TTC23L: variants seen among roughly 807,000 people sequenced by gnomAD.
TTC23L encodes the protein tetratricopeptide repeat protein 23-like.
A neutral mutation model predicts 48.1 loss-of-function variants in TTC23L; 42 were observed. The observed-to-expected ratio is 0.87, with a 90% CI of 0.68 to 1.13. The LOEUF (loss-of-function observed/expected upper bound fraction) is 1.13. Ranked by LOEUF, TTC23L falls within the 50% of genes most tolerant of loss-of-function variation. TTC23L has a pLI of 0.00. For synonymous variants in TTC23L, 159 were observed against 157.2 expected (o/e 1.01, Z -0.09); for missense variants, 391 against 421.0 (o/e 0.93, Z 0.62).
intron 8 of TTC23L, 167 bp downstream of exon 8, chr5:34,869,180 T>G: frequency 1.8e-6 from 1 of 560,124 alleles, no homozygotes; most frequent in South Asian, 2.0e-5. Context: ...AACCTGATAA[T>G]ATACCCCCAC....
intron 4 of TTC23L, among the ~76,000 whole-genome samples, chr5:34,862,509 G>A (rs147875153): frequency 3.2e-4 from 49 of 152,266 alleles, no homozygotes; most frequent in African/African-American, 1.1e-3. Flanking sequence ...AGCGTTGTGG[G>A]TTGAAAAGGT....
the TTC23L span, chr5:34,915,751 A>C: frequency 1.9e-6 from 3 of 1,603,608 alleles, no homozygotes; most frequent in South Asian, 2.2e-5. Context: ...GGCGGCAACC[A>C]AGAGGAAACG....
At chr5:34,883,634 A>G (rs1401070538) in intron 9 of TTC23L, 1 of 152,250 alleles carries the variant, frequency 6.6e-6, no homozygotes, top group Admixed American at 6.5e-5. Flanking sequence ...ATAAGAGACT[A>G]CTATGAATAA....
At chr5:34,915,230 A>T in the TTC23L span, 35 of 316,418 alleles carry the variant, frequency 1.1e-4, no homozygotes, top group Non-Finnish European at 1.9e-4. Flanking sequence ...GGAGCTACAA[A>T]TCCGCGGGGA....
the TTC23L span, among the ~76,000 whole-genome samples, chr5:34,924,411 TTAAA>T: frequency 6.6e-6 from 1 of 152,322 alleles, no homozygotes; most frequent in Admixed American, 6.5e-5. Flanking sequence ...TCAGTAGCTA[TTAAA>T]TAAATTTGAC....
At chr5:34,909,159 G>T in the TTC23L span, 1 of 1,017,114 alleles carries the variant, frequency 9.8e-7, no homozygotes, top group Non-Finnish European at 1.5e-6. Flanking sequence ...AAAATGCTGT[G>T]CATTTTAATT....
chr5:34,852,573 G>A (rs1220771175), intron 4 of TTC23L, among the ~76,000 whole-genome samples: 1 of 152,160 alleles, frequency 6.6e-6, no homozygotes. Flanking sequence ...TGAGGGCATT[G>A]GGTATGGCAG....
Position 34,864,560 on chromosome 5 carries a change from CA to C in TTC23L, c.661del (p.Arg221GlufsTer9). 3.1e-6 allele frequency: 5 copies of C among 1,611,534 alleles called. No homozygotes were observed. Among genetic ancestry groups the C allele is most frequent in the Non-Finnish European group, 3.4e-6 (4 of 1,178,556 alleles). On this transcript the variant is annotated frameshift_variant and splice_region_variant, in exon 6 of 11. Coordinates refer to ENST00000505624, the Ensembl canonical transcript of TTC23L. LOFTEE classifies it high-confidence loss of function. ...AGAACGACCTAACACTTGCTTTGGG[CA>C]GGTAAGATCTGGGCTTGGAGAAGCT...
intron 4 of TTC23L, 151 bp from the exon 5 acceptor site, chr5:34,862,747 A>G (rs1165089494): frequency 4.4e-6 from 4 of 913,676 alleles, no homozygotes; most frequent in East Asian, 2.7e-5. Context: ...AGCATTTCCA[A>G]TAATTCTGAT....
chr5:34,907,963 C>T, the TTC23L span: 2 of 152,168 alleles, frequency 1.3e-5, no homozygotes, highest in African/African-American at 2.4e-5. Context: ...TGTTAAAATA[C>T]AGAATGCTGG....
Position 34,864,568 on chromosome 5 carries a change from A to G in TTC23L, c.662+6A>G, listed in dbSNP as rs763765896. 1.2e-6 allele frequency: 2 copies of G among 1,610,180 alleles called. No homozygotes were observed. Among genetic ancestry groups the G allele is most frequent in the South Asian group, 1.1e-5 (1 of 90,388 alleles). On this transcript the variant is annotated splice_donor_region_variant and intron_variant, in intron 6 of 10. Transcript: ENST00000505624. ...CTAACACTTGCTTTGGGCAGGTAAG[A>G]TCTGGGCTTGGAGAAGCTGAGGCTT...
the TTC23L span, chr5:34,920,002 T>G: frequency 1.9e-6 from 1 of 520,204 alleles, no homozygotes; most frequent in Non-Finnish European, 3.5e-6. Flanking sequence ...AGACACATTT[T>G]ATTAACTCTT....
chr5:34,861,115 A>ACG, intron 4 of TTC23L: 1 of 152,458 alleles, frequency 6.6e-6, no homozygotes, highest in East Asian at 1.9e-4. Flanking sequence ...CTTCAGGTGC[A>ACG]CACCACCATG....
At chr5:34,864,338 C>A in intron 5 of TTC23L, 99 bp from the exon 6 acceptor site, 1 of 1,417,238 alleles carries the variant, frequency 7.1e-7, no homozygotes, top group Non-Finnish European at 9.5e-7. Context: ...TTTAATATTG[C>A]TTCACTTTTC....
chr5:34,910,231 C>A, the TTC23L span, among the ~76,000 whole-genome samples: 191 of 152,242 alleles, frequency 1.3e-3, no homozygotes, highest in Non-Finnish European at 2.5e-3. Context: ...ATGAAAGATA[C>A]CATGGTCCAT....
chr5:34,908,031 A>C, the TTC23L span: 2 of 152,228 alleles, frequency 1.3e-5, no homozygotes, highest in African/African-American at 2.4e-5. Context: ...GTGCGGGCAC[A>C]ACACTTTGAG....
At chr5:34,915,966 T>G in the TTC23L span, 1 of 1,461,026 alleles carries the variant, frequency 6.8e-7, no homozygotes, top group South Asian at 1.4e-5. Flanking sequence ...GGTTACTTAC[T>G]TGACTACAGC....
the TTC23L span, among the ~76,000 whole-genome samples, chr5:34,917,442 G>A: frequency 2.0e-5 from 3 of 151,636 alleles, no homozygotes; most frequent in Non-Finnish European, 2.9e-5. Context: ...GACCAGCCTG[G>A]CCAAGATGGT....
At chr5:34,887,182 T>A (rs1422548931) in intron 9 of TTC23L, among the ~76,000 whole-genome samples, 3 of 151,902 alleles carry the variant, frequency 2.0e-5, no homozygotes, top group Non-Finnish European at 4.4e-5. Context: ...AAATAGTAAA[T>A]AACAGAAGAA....
Sources: gnomAD v4.1 joint callset for allele counts (sites outside exome capture counted in the v4.1 genomes callset) on GRCh38, gnomAD v4.1.1 for gene constraint, MANE v1.5 for transcripts, NCBI Gene and HGNC (gene_info 2026-07-23, HGNC 2026-07-21) for gene names.